The following VWA8 variants were observed in gnomAD, a reference collection of about 807,000 sequenced individuals.
The protein encoded by VWA8 is von Willebrand factor A domain containing 8.
In VWA8, 221 loss-of-function variants were observed where a neutral mutation model predicts 241.5. The ratio of observed to expected loss-of-function variants is 0.91; its 90% confidence interval spans 0.82 to 1.02. The LOEUF (loss-of-function observed/expected upper bound fraction) is 1.02. Among genes scored for constraint, VWA8 ranks in the 50% least tolerant of loss-of-function variants. The pLI is 0.00. For missense variants in VWA8, 2,322 were observed against 2,328.7 expected (o/e 1.00, Z 0.06); for synonymous variants, 852 against 827.1 (o/e 1.03, Z -0.52).
Position 41,691,326 on chromosome 13 carries a change from G to C in VWA8, c.3860C>G (p.Thr1287Arg). 2 of 1,612,096 alleles carry C rather than the reference G, an allele frequency of 1.2e-6. No homozygotes were observed. The highest frequency in any genetic ancestry group is 1.7e-6 in the Non-Finnish European group (2 of 1,178,638). The change falls in exon 32 of 45, where the codon ACA (threonine) becomes AGA (arginine). Residue 1287 changes from threonine to arginine, a missense_variant. Physicochemically the swap from Thr to Arg is moderately conservative, Grantham distance 71. Transcript: ENST00000379310. The stretch of plus-strand genomic sequence containing the variant: ...ACTATATAAAGCCACTCACTGATTT[G>C]TTTTGCTCTCCACCAGAAGCCATTT... The part of the protein sequence containing the change: ...EDKWLLVESK[T>R]NQKYLLTKPA...
chr13:41,791,123 T>TA (rs1566458959), intron 17 of VWA8, among the ~76,000 whole-genome samples: 3 of 148,332 alleles, frequency 2.0e-5, no homozygotes, highest in Admixed American at 6.7e-5. Flanking sequence ...AGTTTTTTTT[T>TA]TAAAAAAACA....
chr13:41,891,622 A>G, intron 4 of VWA8, 35 bp from the exon 5 acceptor site: 2 of 1,610,414 alleles, frequency 1.2e-6, no homozygotes, highest in Non-Finnish European at 1.7e-6. Context: ...AAATGAGAAT[A>G]CTGAAGTTGC....
chr13:41,764,619 G>A (rs898244305), intron 20 of VWA8, among the ~76,000 whole-genome samples: 9 of 152,140 alleles, frequency 5.9e-5, no homozygotes, highest in African/African-American at 2.2e-4. Flanking sequence ...AAGAGGTATA[G>A]GGAAAGATGA....
At chr13:41,911,315 C>T (rs958992316) in intron 3 of VWA8, among the ~76,000 whole-genome samples, 1 of 152,134 alleles carries the variant, frequency 6.6e-6, no homozygotes, top group Admixed American at 6.5e-5. Context: ...CCACCCACCT[C>T]AGCCTCCCAA....
intron 5 of VWA8, among the ~76,000 whole-genome samples, chr13:41,890,205 A>G (rs1433623230): frequency 1.3e-5 from 2 of 152,212 alleles, no homozygotes; most frequent in African/African-American, 4.8e-5. Flanking sequence ...TCTGGCATTC[A>G]TTATTTAGGG....
intron 41 of VWA8, among the ~76,000 whole-genome samples, chr13:41,588,375 C>T (rs1003194636): frequency 8.5e-5 from 13 of 152,290 alleles, no homozygotes; most frequent in African/African-American, 2.6e-4. Flanking sequence ...TTTAGACCCA[C>T]GACTGCCAAT....
Position 41,885,956 on chromosome 13 carries a change from A to G in VWA8, c.939T>C (p.Phe313=), listed in dbSNP as rs781636716. Residue 313 remains phenylalanine (F), a synonymous_variant, in exon 8 of 45, where the codon TTT becomes TTC. Coordinates refer to ENST00000379310, the MANE Select transcript of VWA8 (RefSeq NM_015058.2). ...QESSTLGLPD[F]PLDSLAAAVQ... ...CCGCAGCTGCTAAACTATCTAAAGG[A>G]AAGTCTGGAAGTCCAAGAGTAGAAG... The G allele has an allele frequency of 8.7e-6, 14 of 1,605,232 alleles. No homozygotes were observed. The highest frequency in any genetic ancestry group is 1.2e-5 in the Non-Finnish European group (14 of 1,177,798).
chr13:41,830,160 A>G (rs1473497240), intron 14 of VWA8, among the ~76,000 whole-genome samples: 15 of 151,300 alleles, frequency 9.9e-5, no homozygotes, highest in African/African-American at 3.2e-4. Context: ...GGAGAATGGC[A>G]TGGACCTGGG....
chr13:41,586,883 G>A (rs190420530), intron 42 of VWA8, among the ~76,000 whole-genome samples: 1 of 152,134 alleles, frequency 6.6e-6, no homozygotes, highest in Non-Finnish European at 1.5e-5. Context: ...TCTGGTAAGG[G>A]CCAGAAGTGC....
chr13:41,911,923 G>T, intron 3 of VWA8, 115 bp downstream of exon 3: 1 of 1,173,424 alleles, frequency 8.5e-7, no homozygotes, highest in Non-Finnish European at 1.1e-6. Context: ...TTTGATGTCA[G>T]CATTTGTTTC....
chr13:41,604,727 A>T (rs1038251656), intron 40 of VWA8, among the ~76,000 whole-genome samples: 21 of 152,244 alleles, frequency 1.4e-4, no homozygotes, highest in Non-Finnish European at 2.9e-4. Flanking sequence ...TAGACAAAAA[A>T]TCTGATTTTG....
At chr13:41,839,813 C>T (rs1289981430) in intron 12 of VWA8, among the ~76,000 whole-genome samples, 1 of 152,104 alleles carries the variant, frequency 6.6e-6, no homozygotes. Context: ...ATGATGCCTC[C>T]AGCTTTGTTC....
intron 37 of VWA8, among the ~76,000 whole-genome samples, chr13:41,622,493 C>A (rs2044663769): frequency 1.3e-5 from 2 of 152,150 alleles, no homozygotes; most frequent in African/African-American, 4.8e-5. Context: ...TTAAAGGGAT[C>A]AAAAATTTCC....
intron 4 of VWA8, among the ~76,000 whole-genome samples, chr13:41,893,283 T>G (rs1874933286): frequency 6.6e-6 from 1 of 152,192 alleles, no homozygotes; most frequent in African/African-American, 2.4e-5. Context: ...TAGTAGAGCT[T>G]AGTTTATTTC....
chr13:41,764,939 G>A (rs2045769309), intron 20 of VWA8, among the ~76,000 whole-genome samples: 1 of 152,052 alleles, frequency 6.6e-6, no homozygotes, highest in Non-Finnish European at 1.5e-5. Flanking sequence ...GAGCAGAAGA[G>A]AAAGCAAAGG....
intron 4 of VWA8, among the ~76,000 whole-genome samples, chr13:41,892,348 C>T (rs1271114305): frequency 1.3e-5 from 2 of 152,136 alleles, no homozygotes; most frequent in Non-Finnish European, 2.9e-5. Context: ...GAAAACCTGT[C>T]ATGTTTCTTC....
chr13:41,726,573 T>C (rs2045435532), intron 24 of VWA8, among the ~76,000 whole-genome samples: 1 of 152,188 alleles, frequency 6.6e-6, no homozygotes, highest in Non-Finnish European at 1.5e-5. Flanking sequence ...TTTTATTCTG[T>C]GTTTTATTCC....
At chr13:41,743,455 T>A (rs181380737) in intron 21 of VWA8, among the ~76,000 whole-genome samples, 243 of 152,292 alleles carry the variant, frequency 1.6e-3, no homozygotes, top group Middle Eastern at 3.4e-3. Context: ...CTTACAACCC[T>A]CTAATTGCTG....
intron 9 of VWA8, among the ~76,000 whole-genome samples, chr13:41,875,892 T>C (rs1873874952): frequency 1.3e-5 from 2 of 152,104 alleles, no homozygotes; most frequent in Admixed American, 1.3e-4. Flanking sequence ...TTCAGTTGGC[T>C]AATAGGCATC....
Sources: allele counts gnomAD v4.1 joint callset (sites outside exome capture counted in the v4.1 genomes callset), GRCh38; gene constraint gnomAD v4.1.1; transcripts MANE v1.5; gene names NCBI Gene and HGNC (gene_info 2026-07-23, HGNC 2026-07-21).